The following ABTB3 variants were observed in gnomAD, a reference collection of about 807,000 sequenced individuals.
The protein encoded by ABTB3 is ankyrin repeat- and BTB/POZ domain-containing protein 3.
chr12:107,517,079 T>C, the ABTB3 span, among the ~76,000 whole-genome samples: 3 of 152,250 alleles, frequency 2.0e-5, no homozygotes, highest in Non-Finnish European at 4.4e-5. Flanking sequence ...TTCAACTTTC[T>C]ACATATAGCT....
At chr12:107,386,975 ATTCTTTT>A in the ABTB3 span, among the ~76,000 whole-genome samples, 1 of 140,008 alleles carries the variant, frequency 7.1e-6, no homozygotes, top group Non-Finnish European at 1.5e-5. Context: ...AGTCAGCTAC[ATTCTTTT>A]TTTTTTTTTT....
the ABTB3 span, among the ~76,000 whole-genome samples, chr12:107,526,281 G>A: frequency 6.6e-6 from 1 of 152,096 alleles, no homozygotes; most frequent in South Asian, 2.1e-4. Flanking sequence ...CACGAAAATC[G>A]CCAAACTGAC....
At chr12:107,436,537 C>T in the ABTB3 span, among the ~76,000 whole-genome samples, 1 of 152,218 alleles carries the variant, frequency 6.6e-6, no homozygotes, top group South Asian at 2.1e-4. Flanking sequence ...CTGGAATGTT[C>T]TAAGGATGTG....
the ABTB3 span, among the ~76,000 whole-genome samples, chr12:107,382,719 A>G: frequency 7.5e-6 from 1 of 134,066 alleles, no homozygotes; most frequent in Non-Finnish European, 1.7e-5. Flanking sequence ...ATGAGAACAC[A>G]TGGACACAGG....
chr12:107,494,819 T>C, the ABTB3 span, among the ~76,000 whole-genome samples: 1 of 152,098 alleles, frequency 6.6e-6, no homozygotes, highest in Non-Finnish European at 1.5e-5. Flanking sequence ...CTCCCTCCCC[T>C]GTTTCCACAG....
the ABTB3 span, among the ~76,000 whole-genome samples, chr12:107,407,606 TAATCAGAAAAGCAATCA>T: frequency 6.6e-6 from 1 of 152,202 alleles, no homozygotes; most frequent in Non-Finnish European, 1.5e-5. Flanking sequence ...ATTCTGTTGG[TAATCAGAAAAGCAATCA>T]AATGGTCAAA....
chr12:107,565,867 A>T, the ABTB3 span, among the ~76,000 whole-genome samples: 1 of 152,208 alleles, frequency 6.6e-6, no homozygotes, highest in African/African-American at 2.4e-5. Context: ...GCCAGTGTCC[A>T]CGGAGTGAGA....
chr12:107,320,554 C>A, the ABTB3 span: 4 of 455,938 alleles, frequency 8.8e-6, no homozygotes, highest in Non-Finnish European at 1.3e-5. Flanking sequence ...TCGGGGGGCA[C>A]GCAGTGCACG....
chr12:107,319,354 G>A, the ABTB3 span: 4 of 1,558,942 alleles, frequency 2.6e-6, no homozygotes, highest in East Asian at 9.6e-5. Flanking sequence ...TGGTGAGCCG[G>A]GCGCTGGTGC....
the ABTB3 span, among the ~76,000 whole-genome samples, chr12:107,611,527 T>C: frequency 6.6e-6 from 1 of 152,242 alleles, no homozygotes; most frequent in Non-Finnish European, 1.5e-5. Flanking sequence ...TGGTCATTAT[T>C]ATTTATTCAC....
At chr12:107,514,962 A>G in the ABTB3 span, among the ~76,000 whole-genome samples, 1 of 152,162 alleles carries the variant, frequency 6.6e-6, no homozygotes, top group Admixed American at 6.5e-5. Flanking sequence ...TATGTTGGGA[A>G]CCTACTGTTT....
At chr12:107,488,662 GTA>G in the ABTB3 span, among the ~76,000 whole-genome samples, 4 of 149,390 alleles carry the variant, frequency 2.7e-5, no homozygotes, top group African/African-American at 7.3e-5. Flanking sequence ...GCAATTATAT[GTA>G]TATATATATA....
the ABTB3 span, among the ~76,000 whole-genome samples, chr12:107,456,621 T>C: frequency 6.6e-6 from 1 of 152,116 alleles, no homozygotes; most frequent in South Asian, 2.1e-4. Flanking sequence ...GTAATAATAA[T>C]AGAAATAAAA....
chr12:107,651,754 C>T, the ABTB3 span: 19 of 1,613,914 alleles, frequency 1.2e-5, no homozygotes, highest in South Asian at 2.2e-5. Flanking sequence ...GCATCAATAC[C>T]GACAACTGTG....
At chr12:107,344,796 A>G in the ABTB3 span, among the ~76,000 whole-genome samples, 1 of 152,264 alleles carries the variant, frequency 6.6e-6, no homozygotes, top group Non-Finnish European at 1.5e-5. Flanking sequence ...TCTTGAGTCC[A>G]TGCAACTTTG....
At chr12:107,385,074 C>T in the ABTB3 span, among the ~76,000 whole-genome samples, 1 of 152,212 alleles carries the variant, frequency 6.6e-6, no homozygotes. Context: ...GACTCTGATG[C>T]CCATTCACTG....
At chr12:107,570,963 G>C in the ABTB3 span, among the ~76,000 whole-genome samples, 5 of 152,194 alleles carry the variant, frequency 3.3e-5, no homozygotes, top group African/African-American at 1.2e-4. Context: ...GAGCCCAGCT[G>C]CCTGCAGTAT....
chr12:107,616,051 A>G, the ABTB3 span, among the ~76,000 whole-genome samples: 1 of 152,020 alleles, frequency 6.6e-6, no homozygotes, highest in African/African-American at 2.4e-5. Context: ...ATCCCAAGTC[A>G]TGTTTCAGGA....
the ABTB3 span, among the ~76,000 whole-genome samples, chr12:107,484,790 C>T: frequency 4.6e-5 from 7 of 152,138 alleles, no homozygotes; most frequent in South Asian, 1.0e-3. Context: ...TTGGGCTCTG[C>T]GCTTATTCTG....
Sources: gnomAD v4.1 joint callset for allele counts (sites outside exome capture counted in the v4.1 genomes callset) on GRCh38, gnomAD v4.1.1 for gene constraint, MANE v1.5 for transcripts, NCBI Gene and HGNC (gene_info 2026-07-23, HGNC 2026-07-21) for gene names.